DOP1B: variants seen among roughly 807,000 people sequenced by gnomAD.
DOP1B encodes the protein protein DOP1B.
A neutral mutation model predicts 233.5 loss-of-function variants in DOP1B; 174 were observed. The observed-to-expected ratio is 0.75, with a 90% CI of 0.66 to 0.85. The LOEUF (loss-of-function observed/expected upper bound fraction) is 0.85, where lower values mean the gene tolerates loss of function less well. DOP1B is among the 40% of genes least tolerant of loss of function. DOP1B has a pLI of 0.00. For missense variants in DOP1B, 2,652 were observed against 2,846.6 expected, an observed-to-expected ratio of 0.93 and a Z score of 1.56; for synonymous variants, 1,190 against 1,185.6, an observed-to-expected ratio of 1.00 and a Z score of -0.08.
Position 36,239,941 on chromosome 21 carries a change from A to T in DOP1B, c.3053A>T (p.Gln1018Leu). The change falls in exon 18 of 37, where the codon CAG (glutamine) becomes CTG (leucine). Residue 1018 changes from glutamine (Q) to leucine (L), a missense_variant. Gln to Leu is a moderately radical substitution (Grantham distance 113, BLOSUM62 -2). Transcript: ENST00000691173. ...AGAACCTCCATCCACTGCCTCAAGC[A>T]GGAGAACTCGGCCGGTGAGCAGCCT... ...TQRTSIHCLK[Q>L]ENSADDLHRW... is the part of the protein sequence containing the mutation. The T allele has an allele frequency of 6.2e-7, 1 of 1,610,126 alleles. No individual in the cohort carries two copies. The highest frequency in any genetic ancestry group is 2.2e-4 in the Middle Eastern group (1 of 4,460).
At chr21:36,222,360 C>T in intron 10 of DOP1B, among the ~76,000 whole-genome samples, 1 of 151,666 alleles carries the variant, frequency 6.6e-6, no homozygotes, top group East Asian at 2.0e-4. Context: ...AGGTGGATCA[C>T]TTGAGGTCAG....
At chr21:36,266,759 C>T (rs74668403) in intron 26 of DOP1B, among the ~76,000 whole-genome samples, 2,373 of 152,270 alleles carry the variant, frequency 0.016, 22 homozygotes, top group Non-Finnish European at 0.024. Context: ...CTCTGGGGGC[C>T]CCCAGCCACA....
rs150716969 is a variant in DOP1B at position 36,290,078 on chromosome 21, C to T, written c.6515+872C>T. Among the ~76,000 whole-genome samples the T allele has an allele frequency of 5.0e-3, 759 of 152,218 alleles. 8 individuals are homozygous for T. The highest frequency in any genetic ancestry group is 0.017 in the African/African-American group (709 of 41,528). ...GGATAACAGTGAGTCAGTAGAGGCT[C>T]TTCAGTTTTAACAAATGTACCACTC... On this transcript the variant is annotated intron_variant, in intron 35 of 36. Coordinates refer to ENST00000691173, the MANE Select transcript of DOP1B (RefSeq NM_001320714.2).
chr21:36,248,134 T>C (rs1305114466), intron 20 of DOP1B, among the ~76,000 whole-genome samples: 2 of 152,260 alleles, frequency 1.3e-5, no homozygotes. Flanking sequence ...AGAATACATC[T>C]AACACTTTGG....
chr21:36,167,929 C>CTTTTTTTTTTTTTTTTTTT (rs1568996068), intron 2 of DOP1B, among the ~76,000 whole-genome samples: 1 of 97,312 alleles, frequency 1.0e-5, no homozygotes. Context: ...CTTTTCTTTT[C>CTTTTTTTTTTTTTTTTTTT]TTTTCTTTTT....
intron 27 of DOP1B, 41 bp downstream of exon 27, chr21:36,270,198 G>C (rs149095152): frequency 6.3e-7 from 1 of 1,598,274 alleles, no homozygotes; most frequent in East Asian, 2.2e-5. Context: ...TCTGGTCAGC[G>C]CGTGGTTCTG....
rs1019426155 is a variant in DOP1B, at chr21:36,225,443, C to T, written c.1371-122C>T. ...ATGGGGTTTCACCATGTTGCCCAGGCTGGTCTCAGACTCCTGAGCTCAGAC... is the reference window on the plus strand; with the variant it reads ...ATGGGGTTTCACCATGTTGCCCAGGTTGGTCTCAGACTCCTGAGCTCAGAC... On this transcript the variant is annotated intron_variant, in intron 11 of 36. Coordinates refer to ENST00000691173, the MANE Select transcript of DOP1B (RefSeq NM_001320714.2). 4.5e-5 allele frequency: 48 copies of T among 1,061,246 alleles called. 1 individual carries two copies. The highest frequency in any genetic ancestry group is 6.6e-5 in the Non-Finnish European group (48 of 725,724). 65.7% of individuals were successfully genotyped at this position (1,061,246 alleles called of 1,614,324 possible). A position where few individuals can be genotyped will look rare whatever the true frequency, so the allele number is the denominator to read the frequency against.
At chr21:36,278,416 G>A (rs1157228215) in intron 30 of DOP1B, 61 bp downstream of exon 30, 1 of 1,537,512 alleles carries the variant, frequency 6.5e-7, no homozygotes, top group Non-Finnish European at 8.7e-7. Flanking sequence ...TGGCATTTTG[G>A]TTTACAGAAT....
At chr21:36,285,530 C>T (rs1008790502) in intron 32 of DOP1B, among the ~76,000 whole-genome samples, 5 of 152,106 alleles carry the variant, frequency 3.3e-5, no homozygotes, top group East Asian at 1.9e-4. Flanking sequence ...CCAGGATGCT[C>T]GTGGATAGGC....
intron 1 of DOP1B, among the ~76,000 whole-genome samples, chr21:36,163,274 G>A (rs1028784816): frequency 8.7e-5 from 13 of 149,286 alleles, no homozygotes; most frequent in African/African-American, 3.2e-4. Flanking sequence ...AACCCAGGAA[G>A]CAGAGGTTGC....
chr21:36,193,405 C>T (rs113272186), intron 2 of DOP1B, among the ~76,000 whole-genome samples: 4,446 of 152,150 alleles, frequency 0.029, 213 homozygotes, highest in African/African-American at 0.1. Context: ...TCAGGTTCTT[C>T]TTGGTGCCTC....
chr21:36,271,202 T>G (rs1202831208), intron 27 of DOP1B, among the ~76,000 whole-genome samples: 1 of 151,344 alleles, frequency 6.6e-6, no homozygotes, highest in Non-Finnish European at 1.5e-5. Context: ...CCAGACTCTT[T>G]CTTTGTTTTT....
At chr21:36,247,383 T>C in intron 19 of DOP1B, 134 bp from the exon 20 acceptor site, 1 of 475,394 alleles carries the variant, frequency 2.1e-6, no homozygotes, top group Non-Finnish European at 3.7e-6. Flanking sequence ...TATAATGATA[T>C]TCTATGACGA....
At chr21:36,261,470 A>G in intron 24 of DOP1B, 1 of 985,700 alleles carries the variant, frequency 1.0e-6, no homozygotes, top group Non-Finnish European at 1.2e-6. Context: ...TGCTAAGTTA[A>G]TATATGTATT....
Position 36,245,957 on chromosome 21 carries a change from A to G in DOP1B, c.3977A>G (p.Tyr1326Cys), listed in dbSNP as rs1220305735. 1.2e-6 allele frequency: 2 copies of G among 1,613,730 alleles called. No individual in the cohort carries two copies. The highest frequency in any genetic ancestry group is 1.7e-6 in the Non-Finnish European group (2 of 1,179,932). The change falls in exon 19 of 37, where the codon TAC (tyrosine) becomes TGC (cysteine). Residue 1326 changes from tyrosine to cysteine, a missense_variant. Transcript: ENST00000691173. This position sits in a 1 kb window ranked among gnomAD's most constrained non-coding sequence, Gnocchi z 5.5. ...TYLCLSFLRS[Y>C]YPCYLKVSHR... Reference sequence around the variant, plus strand: ...CTCTGCCTGAGCTTCCTGCGCTCCTACTACCCTTGCTATTTGAAGGTCTCG... The same window carrying G: ...CTCTGCCTGAGCTTCCTGCGCTCCTGCTACCCTTGCTATTTGAAGGTCTCG...
At chr21:36,166,102 G>A (rs188061865) in intron 2 of DOP1B, among the ~76,000 whole-genome samples, 47 of 151,328 alleles carry the variant, frequency 3.1e-4, no homozygotes, top group African/African-American at 1.0e-3. Flanking sequence ...CCAACCATGC[G>A]CCCTCCCACC....
At chr21:36,243,224 C>A (rs552469871) in intron 18 of DOP1B, among the ~76,000 whole-genome samples, 12 of 152,200 alleles carry the variant, frequency 7.9e-5, no homozygotes, top group African/African-American at 2.9e-4. Flanking sequence ...AAGTGATCCG[C>A]CCACCTCAGC....
chr21:36,238,099 G>A (rs182939169), intron 16 of DOP1B, among the ~76,000 whole-genome samples: 268 of 152,334 alleles, frequency 1.8e-3, no homozygotes, highest in Non-Finnish European at 2.8e-3. Context: ...TCTGGGAGGC[G>A]GAGGTTGCGG....
At chr21:36,232,173 G>A (rs1179111452) in intron 14 of DOP1B, among the ~76,000 whole-genome samples, 1 of 151,792 alleles carries the variant, frequency 6.6e-6, no homozygotes, top group Non-Finnish European at 1.5e-5. Context: ...AGTAGAGATG[G>A]GGTTTCACCA....
Sources: allele counts gnomAD v4.1 joint callset (sites outside exome capture counted in the v4.1 genomes callset), GRCh38; gene constraint gnomAD v4.1.1; non-coding constraint Gnocchi (gnomAD v3.1); transcripts MANE v1.5; gene names NCBI Gene and HGNC (gene_info 2026-07-23, HGNC 2026-07-21).